PSME4: variants seen among roughly 807,000 people sequenced by gnomAD.
PSME4 encodes the protein proteasome activator subunit 4.
In PSME4, 89 loss-of-function variants were observed where a neutral mutation model predicts 253.9. The observed-to-expected ratio is 0.35, with a 90% CI of 0.30 to 0.42. The LOEUF (loss-of-function observed/expected upper bound fraction) is 0.42, where lower values mean the gene tolerates loss of function less well. PSME4 is among the 10% of genes least tolerant of loss of function. The pLI is 1.00. For synonymous variants in PSME4, 851 were observed against 759.2 expected (o/e 1.12, Z -1.99); for missense variants, 2,014 against 2,195.2 (o/e 0.92, Z 1.65).
chr2:53,942,179 C>T (rs1669483459), intron 3 of PSME4: 2 of 152,424 alleles, frequency 1.3e-5, no homozygotes, highest in Admixed American at 6.6e-5. Flanking sequence ...TGTATAGTGA[C>T]CTTTTGTGAT....
chr2:53,888,960 G>A (rs1198613603), intron 37 of PSME4, 148 bp from the exon 38 acceptor site: 1 of 590,184 alleles, frequency 1.7e-6, no homozygotes, highest in East Asian at 2.8e-5. Flanking sequence ...TTGCCTCCCA[G>A]GCTCAAGTAA....
rs1680115378 is a variant in PSME4, at chr2:53,895,863, A to G, written c.3689-127T>C. The G allele has an allele frequency of 5.0e-6, 4 of 798,598 alleles. No individual in the cohort carries two copies. In the South Asian group the frequency reaches 6.3e-5, roughly 13 times the overall value. The allele number at this position is 798,598 out of a possible 1,614,324, so 49.5% of individuals were successfully genotyped here. A position where few individuals can be genotyped will look rare whatever the true frequency, so the allele number is the denominator to read the frequency against. On this transcript the variant is annotated intron_variant, in intron 32 of 46. Coordinates refer to ENST00000404125, the MANE Select transcript of PSME4 (RefSeq NM_014614.3). ...ACAACACTACAAAAATAACATTAAG[A>G]TAACATATATATGAGCAATTGGAGG...
chr2:53,896,676 T>C, intron 32 of PSME4, 128 bp downstream of exon 32: 2 of 681,484 alleles, frequency 2.9e-6, no homozygotes, highest in Admixed American at 5.0e-5. Context: ...TCCTTCATAA[T>C]ATTATTTATA....
At chr2:53,963,284 G>T (rs574556543) in intron 1 of PSME4, among the ~76,000 whole-genome samples, 2 of 151,892 alleles carry the variant, frequency 1.3e-5, no homozygotes, top group Non-Finnish European at 2.9e-5. Flanking sequence ...GGGTATGATT[G>T]CACTCCCTAT....
At chr2:53,893,972 TA>T (rs1240413478) in intron 34 of PSME4, among the ~76,000 whole-genome samples, 173 bp from the exon 35 acceptor site, 1 of 152,314 alleles carries the variant, frequency 6.6e-6, no homozygotes, top group East Asian at 1.9e-4. Context: ...TACCTCCCTC[TA>T]AAAATGCTAA....
rs920857538 is a variant in PSME4 at position 53,875,894 on chromosome 2, A to G, written c.4816-139T>C. The G allele has an allele frequency of 3.3e-5, 24 of 720,322 alleles. 1 individual carries two copies. The South Asian group carries it at 5.2e-4, about 16-fold the overall frequency. The allele number at this position is 720,322 out of a possible 1,614,324, so 44.6% of individuals were successfully genotyped here. A position where few individuals can be genotyped will look rare whatever the true frequency, so the allele number is the denominator to read the frequency against. On this transcript the variant is annotated intron_variant, in intron 41 of 46. Coordinates refer to ENST00000404125, the MANE Select transcript of PSME4 (RefSeq NM_014614.3). Reference sequence around the variant, plus strand: ...AAACACATAAACTAGAGAATAGCATAATGAACCCCCATGAGCCAATCACCT... The same window carrying G: ...AAACACATAAACTAGAGAATAGCATGATGAACCCCCATGAGCCAATCACCT...
chr2:53,938,708 A>T (rs1322795287), intron 4 of PSME4, among the ~76,000 whole-genome samples: 1 of 152,158 alleles, frequency 6.6e-6, no homozygotes, highest in Non-Finnish European at 1.5e-5. Context: ...TGGCCCACAC[A>T]GCATATTATT....
intron 24 of PSME4, among the ~76,000 whole-genome samples, chr2:53,907,537 T>TA (rs1382730822): frequency 2.0e-5 from 3 of 152,210 alleles, no homozygotes; most frequent in Non-Finnish European, 2.9e-5. Context: ...TCTTTGTACT[T>TA]ACTGTTCACA....
chr2:53,927,834 C>G (rs558405658), intron 11 of PSME4, among the ~76,000 whole-genome samples: 1 of 152,188 alleles, frequency 6.6e-6, no homozygotes, highest in African/African-American at 2.4e-5. Context: ...ATAATCCCAG[C>G]TACCCAAGAG....
chr2:53,927,419 A>G lies in PSME4; in HGVS notation c.1568T>C (p.Leu523Pro), dbSNP rs1241293249. The G allele has an allele frequency of 9.5e-6, 15 of 1,586,924 alleles. No individual in the cohort carries two copies. Among genetic ancestry groups the G allele is most frequent in the Non-Finnish European group, 1.2e-5 (14 of 1,155,286 alleles). ...LVPLVDCSSV[L>P]QERNDLTEVE... ...TTCTGTGAGGTCATTTCTTTCTTGT[A>G]GTACAGATGAACAATCTACTAAAGG... The change falls in exon 12 of 47, where the codon CTA becomes CCA. Residue 523 changes from leucine (L) to proline (P), a missense_variant. By Grantham distance (98) the Leu-to-Pro change is moderately conservative. Coordinates refer to ENST00000404125, the MANE Select transcript of PSME4 (RefSeq NM_014614.3).
intron 41 of PSME4, among the ~76,000 whole-genome samples, chr2:53,880,016 G>C (rs1265763119): frequency 6.6e-6 from 1 of 152,170 alleles, no homozygotes; most frequent in Non-Finnish European, 1.5e-5. Flanking sequence ...CCCTGCCTTG[G>C]TGTGGAGGAA....
intron 18 of PSME4, 143 bp downstream of exon 18, chr2:53,920,746 C>A: frequency 1.3e-6 from 1 of 750,206 alleles, no homozygotes; most frequent in Non-Finnish European, 2.2e-6. Flanking sequence ...TGAGACAGCA[C>A]AAGTTTCACA....
intron 43 of PSME4, 30 bp from the exon 44 acceptor site, chr2:53,869,568 G>C (rs769810147): frequency 5.5e-6 from 8 of 1,447,746 alleles, no homozygotes; most frequent in South Asian, 1.6e-5. Flanking sequence ...TATTAGGACT[G>C]ACATTCTAAG....
At chr2:53,917,076 T>G (rs1383995390) in intron 20 of PSME4, among the ~76,000 whole-genome samples, 1 of 150,984 alleles carries the variant, frequency 6.6e-6, no homozygotes, top group Non-Finnish European at 1.5e-5. Flanking sequence ...AGGAAGCATT[T>G]TATATTTTAA....
At chr2:53,870,982 G>A (rs539247465) in intron 43 of PSME4, 42 of 152,000 alleles carry the variant, frequency 2.8e-4, no homozygotes, top group African/African-American at 8.9e-4. Flanking sequence ...GGATTAGTAA[G>A]TTTAAAGATA....
intron 1 of PSME4, among the ~76,000 whole-genome samples, chr2:53,953,900 A>G (rs1670113065): frequency 1.3e-5 from 2 of 152,262 alleles, no homozygotes; most frequent in Admixed American, 6.5e-5. Context: ...TATATGGATA[A>G]CAAGTCATTT....
Position 53,925,532 on chromosome 2 carries a change from T to C in PSME4, c.1809+7A>G, listed in dbSNP as rs375025692. The C allele has an allele frequency of 2.1e-4, 320 of 1,533,436 alleles. No individual in the cohort carries two copies. Among genetic ancestry groups the C allele is most frequent in the South Asian group, 7.7e-4 (60 of 77,892 alleles). The allele number at this position is 1,533,436 out of a possible 1,614,324, so 95.0% of individuals were successfully genotyped here. A position where few individuals can be genotyped will look rare whatever the true frequency, so the allele number is the denominator to read the frequency against. On this transcript the variant is annotated splice_region_variant and intron_variant, in intron 14 of 46. Transcript: ENST00000404125. ...TGGAAGTTTATTTTTTGCAGCAATGTTCTTACCATAAATATTTCTTTGGAA... is the reference window on the plus strand; with the variant it reads ...TGGAAGTTTATTTTTTGCAGCAATGCTCTTACCATAAATATTTCTTTGGAA...
intron 1 of PSME4, among the ~76,000 whole-genome samples, chr2:53,965,086 AACACACACACACACAG>A (rs908715986): frequency 6.6e-6 from 1 of 151,336 alleles, no homozygotes; most frequent in African/African-American, 2.4e-5. Context: ...ATTCTGTTTA[AACACACACACACACAG>A]ACACACACAC....
intron 43 of PSME4, among the ~76,000 whole-genome samples, chr2:53,871,987 C>G (rs1024848911): frequency 2.0e-5 from 3 of 152,084 alleles, no homozygotes; most frequent in Non-Finnish European, 4.4e-5. Flanking sequence ...GCACTCCCGC[C>G]TGGGCAAAAA....
Sources: allele counts gnomAD v4.1 joint callset (sites outside exome capture counted in the v4.1 genomes callset), GRCh38; gene constraint gnomAD v4.1.1; transcripts MANE v1.5; gene names NCBI Gene and HGNC (gene_info 2026-07-23, HGNC 2026-07-21).